Variants in CGNL1 observed in about 807,000 individuals in gnomAD.
The protein encoded by CGNL1 is cingulin like 1.
A neutral mutation model predicts 141.2 loss-of-function variants in CGNL1; 132 were observed. The observed-to-expected ratio is 0.93, with a 90% confidence interval of 0.81 to 1.08. The LOEUF is 1.08. Ranked by LOEUF, CGNL1 falls within the 50% of genes least tolerant of loss-of-function variation. The pLI, the probability that CGNL1 is intolerant of heterozygous loss-of-function variation, is 0.00. For missense variants in CGNL1, 1,870 were observed against 1,588.6 expected (o/e 1.18, Z -3.01); for synonymous variants, 690 against 622.1 (o/e 1.11, Z -1.63).
chr15:57,392,867 C>T (rs1350017440), intron 1 of CGNL1, among the ~76,000 whole-genome samples: 1 of 151,922 alleles, frequency 6.6e-6, no homozygotes, highest in Admixed American at 6.6e-5. Context: ...CTTTGATACC[C>T]TGGACTAATA....
At chr15:57,540,606 T>A (rs2032512343) in intron 14 of CGNL1, among the ~76,000 whole-genome samples, 1 of 152,228 alleles carries the variant, frequency 6.6e-6, no homozygotes, top group African/African-American at 2.4e-5. Context: ...TGATCTCATT[T>A]AGGTTTCAGC....
intron 8 of CGNL1, among the ~76,000 whole-genome samples, chr15:57,485,549 C>T (rs1417692080): frequency 1.3e-5 from 2 of 152,100 alleles, no homozygotes; most frequent in Non-Finnish European, 2.9e-5. Flanking sequence ...ATTATATTTT[C>T]ATGTTAAAAG....
At position 57,383,992 on chromosome 15, in the gene CGNL1, T is replaced by C. The variant is rs1004533244; in HGVS notation, c.-16+7425T>C. On this transcript the variant is annotated intron_variant, in intron 1 of 18. Coordinates refer to ENST00000281282, the MANE Select transcript of CGNL1 (RefSeq NM_032866.5). ...TTTCAGGTTTGGGGCTTAAATGCAT[T>C]TGGTCTGGTTGTGGCCAGACTAGCT... Among the ~76,000 whole-genome samples, 16 of 147,646 alleles carry C rather than the reference T, an allele frequency of 1.1e-4. 1 individual carries two copies. Among genetic ancestry groups the C allele is most frequent in the Admixed American group, 4.7e-4 (7 of 14,900 alleles).
intron 1 of CGNL1, among the ~76,000 whole-genome samples, chr15:57,381,856 C>T (rs2062428489): frequency 6.6e-6 from 1 of 152,094 alleles, no homozygotes; most frequent in African/African-American, 2.4e-5. Context: ...CGCTAAAGGC[C>T]ACTGCGACCT....
chr15:57,524,789 A>C (rs1185779043), intron 12 of CGNL1, 38 bp downstream of exon 12: 1 of 1,598,280 alleles, frequency 6.3e-7, no homozygotes, highest in Non-Finnish European at 8.5e-7. Context: ...TTTATCCCTT[A>C]TTCAAAGTAT....
chr15:57,481,581 A>G (rs112735023), intron 8 of CGNL1, among the ~76,000 whole-genome samples: 38 of 152,334 alleles, frequency 2.5e-4, no homozygotes, highest in African/African-American at 8.9e-4. Context: ...TTGTTCAACC[A>G]TTCACTCATT....
At chr15:57,422,569 A>G (rs1261910545) in intron 1 of CGNL1, among the ~76,000 whole-genome samples, 1 of 152,168 alleles carries the variant, frequency 6.6e-6, no homozygotes. Flanking sequence ...TGTCTGGAGG[A>G]TGGTTTTGGA....
At chr15:57,485,895 C>T (rs2063779389) in intron 8 of CGNL1, among the ~76,000 whole-genome samples, 1 of 152,200 alleles carries the variant, frequency 6.6e-6, no homozygotes, top group African/African-American at 2.4e-5. Context: ...AGCCACGTGC[C>T]ATTTCTTTCT....
chr15:57,399,354 C>T (rs2062635152), intron 1 of CGNL1, among the ~76,000 whole-genome samples: 1 of 152,206 alleles, frequency 6.6e-6, no homozygotes, highest in African/African-American at 2.4e-5. Context: ...TGATTCCACT[C>T]TCTACTTCTT....
chr15:57,432,425 C>A (rs1717140843), intron 1 of CGNL1, among the ~76,000 whole-genome samples: 1 of 152,182 alleles, frequency 6.6e-6, no homozygotes, highest in Non-Finnish European at 1.5e-5. Context: ...AAGAGCTAAG[C>A]CCTTTGTTCT....
intron 8 of CGNL1, among the ~76,000 whole-genome samples, chr15:57,515,830 T>G (rs143025017): frequency 1.1e-3 from 163 of 152,200 alleles, no homozygotes; most frequent in African/African-American, 3.6e-3. Context: ...GAAAAAAATC[T>G]GTACTCCGAA....
At chr15:57,390,112 G>A (rs1352091960) in intron 1 of CGNL1, among the ~76,000 whole-genome samples, 1 of 152,180 alleles carries the variant, frequency 6.6e-6, no homozygotes. Flanking sequence ...CACCGCACCT[G>A]GCCCCAGATC....
At chr15:57,384,266 C>T (rs796572269) in intron 1 of CGNL1, among the ~76,000 whole-genome samples, 37 of 152,144 alleles carry the variant, frequency 2.4e-4, no homozygotes, top group African/African-American at 8.4e-4. Flanking sequence ...TTGCCAGACA[C>T]TTTCCAGGAG....
At chr15:57,418,875 G>A (rs2062880726) in intron 1 of CGNL1, among the ~76,000 whole-genome samples, 1 of 151,836 alleles carries the variant, frequency 6.6e-6, no homozygotes, top group Non-Finnish European at 1.5e-5. Flanking sequence ...TCGGGAGTTG[G>A]ACATGCAGCC....
At chr15:57,534,396 C>T (rs1201709881) in intron 14 of CGNL1, among the ~76,000 whole-genome samples, 1 of 152,234 alleles carries the variant, frequency 6.6e-6, no homozygotes, top group African/African-American at 2.4e-5. Context: ...TCTCTTCTGG[C>T]CTTTGCTGCC....
chr15:57,447,869 A>G (rs1222433350), intron 4 of CGNL1, among the ~76,000 whole-genome samples: 3 of 150,868 alleles, frequency 2.0e-5, no homozygotes, highest in African/African-American at 7.3e-5. Context: ...GGGGCATCAG[A>G]TATTCTGGAT....
intron 11 of CGNL1, among the ~76,000 whole-genome samples, chr15:57,524,240 A>G (rs563244891): frequency 1.3e-5 from 2 of 152,172 alleles, no homozygotes. Flanking sequence ...TCTGACAACA[A>G]CCCTGTAAGG....
In CGNL1 at chr15:57,472,420, G is replaced by C. The variant is rs187994584; in HGVS notation, c.2403+10528G>C. ...TCCGAAGGACAGATTTTTAGAGAGA[G>C]AGACAGACAGACAAGCAGGTGTGTG... On this transcript the variant is annotated intron_variant, in intron 8 of 18. Coordinates refer to ENST00000281282, the MANE Select transcript of CGNL1 (RefSeq NM_032866.5). 1.3e-4 allele frequency among the ~76,000 whole-genome samples: 20 copies of C among 152,282 alleles called. 1 individual carries two copies. The East Asian group carries it at 3.7e-3, about 28-fold the overall frequency.
chr15:57,538,652 G>A (rs2032395981), intron 14 of CGNL1, among the ~76,000 whole-genome samples: 1 of 152,132 alleles, frequency 6.6e-6, no homozygotes, highest in Non-Finnish European at 1.5e-5. Flanking sequence ...CAAGACTGTG[G>A]CCAGTGGCTG....
Sources: gnomAD v4.1 joint callset for allele counts (sites outside exome capture counted in the v4.1 genomes callset) on GRCh38, gnomAD v4.1.1 for gene constraint, MANE v1.5 for transcripts, NCBI Gene and HGNC (gene_info 2026-07-23, HGNC 2026-07-21) for gene names.